Variants in CACNA1E observed in about 807,000 individuals in gnomAD.
CACNA1E encodes calcium voltage-gated channel subunit alpha1 E.
In CACNA1E, 40 loss-of-function variants were observed where a neutral mutation model predicts 259.2. The observed-to-expected ratio is 0.15, with a 90% CI of 0.12 to 0.20. The LOEUF is 0.20. CACNA1E is among the 10% of genes least tolerant of loss of function. CACNA1E has a pLI of 1.00. For synonymous variants in CACNA1E, 1,104 were observed against 1,138.5 expected, an observed-to-expected ratio of 0.97 and a Z score of 0.61; for missense variants, 1,874 against 3,040.1, an observed-to-expected ratio of 0.62 and a Z score of 9.02.
intron 6 of CACNA1E, among the ~76,000 whole-genome samples, chr1:181,582,154 C>T (rs1450645740): frequency 1.3e-5 from 2 of 152,204 alleles, no homozygotes; most frequent in African/African-American, 2.4e-5. Flanking sequence ...TGAAGCTTTG[C>T]AGAAAAGAGT....
chr1:181,503,732 C>T (rs1027363663), intron 1 of CACNA1E, among the ~76,000 whole-genome samples: 11 of 152,222 alleles, frequency 7.2e-5, no homozygotes, highest in Middle Eastern at 3.4e-3. Flanking sequence ...GTTCAGATTC[C>T]GGTATCATTT....
At chr1:181,634,310 G>C (rs1168378351) in intron 6 of CACNA1E, among the ~76,000 whole-genome samples, 1 of 152,174 alleles carries the variant, frequency 6.6e-6, no homozygotes, top group African/African-American at 2.4e-5. Context: ...AAGGGTTCAA[G>C]GCTGCACAAA....
intron 6 of CACNA1E, among the ~76,000 whole-genome samples, chr1:181,609,025 A>T (rs1285492531): frequency 6.6e-6 from 1 of 152,204 alleles, no homozygotes; most frequent in Admixed American, 6.5e-5. Context: ...CTGGGCCCCC[A>T]GTATCCACAA....
At chr1:181,608,004 GC>G (rs1221819589) in intron 6 of CACNA1E, among the ~76,000 whole-genome samples, 3 of 152,212 alleles carry the variant, frequency 2.0e-5, no homozygotes, top group Admixed American at 6.5e-5. Context: ...GCCTGAAGGA[GC>G]AAGGTGAGGA....
intron 6 of CACNA1E, among the ~76,000 whole-genome samples, chr1:181,598,058 G>T (rs1355799289): frequency 6.6e-6 from 1 of 152,208 alleles, no homozygotes; most frequent in Non-Finnish European, 1.5e-5. Flanking sequence ...CAGCTGTTAA[G>T]GTAGAAAGCC....
chr1:181,708,639 T>A (rs889113170), intron 7 of CACNA1E, among the ~76,000 whole-genome samples: 2 of 152,232 alleles, frequency 1.3e-5, no homozygotes, highest in Admixed American at 6.5e-5. Flanking sequence ...GCCATTTGGC[T>A]AGGCAAATAT....
chr1:181,779,036 C>T (rs952426350), intron 38 of CACNA1E, among the ~76,000 whole-genome samples: 2 of 152,222 alleles, frequency 1.3e-5, no homozygotes, highest in Non-Finnish European at 2.9e-5. Flanking sequence ...GAAAAGCAAA[C>T]AGTTCTGCAG....
In CACNA1E at chr1:181,795,053, G is replaced by A. The variant is rs747302415; in HGVS notation, c.6208+9G>A. ...CCTGAACTCTGATTCAGGTGAGGAG[G>A]TCTTCAGTGTCCAGCTCTTTCATCA... is the stretch of plus-strand genomic sequence containing the variant. On this transcript the variant is annotated intron_variant, in intron 46 of 47. Coordinates refer to ENST00000367573, the MANE Select transcript of CACNA1E (RefSeq NM_001205293.3). 3 of 1,611,316 alleles carry A rather than the reference G, an allele frequency of 1.9e-6. No homozygotes were observed. Among genetic ancestry groups the A allele is most frequent in the Non-Finnish European group, 2.5e-6 (3 of 1,178,354 alleles).
At chr1:181,744,959 A>G (rs972401545) in intron 25 of CACNA1E, among the ~76,000 whole-genome samples, 12 of 152,172 alleles carry the variant, frequency 7.9e-5, no homozygotes, top group African/African-American at 2.9e-4. Context: ...GTTTCCTGAC[A>G]CTCCAGTTTA....
intron 2 of CACNA1E, among the ~76,000 whole-genome samples, chr1:181,429,059 G>C (rs181366402): frequency 6.6e-6 from 1 of 152,242 alleles, no homozygotes; most frequent in African/African-American, 2.4e-5. Context: ...GCACACGCCT[G>C]TAATCCCAGC....
chr1:181,596,628 C>T (rs1428929048), intron 6 of CACNA1E, among the ~76,000 whole-genome samples: 4 of 150,072 alleles, frequency 2.7e-5, no homozygotes, highest in Non-Finnish European at 5.9e-5. Flanking sequence ...AGATGCCCTG[C>T]AGGCCCAGGG....
intron 7 of CACNA1E, among the ~76,000 whole-genome samples, chr1:181,655,930 C>G (rs1428725553): frequency 6.6e-6 from 1 of 152,168 alleles, no homozygotes; most frequent in African/African-American, 2.4e-5. Flanking sequence ...AGTGGTCCCA[C>G]AGGATTTAGT....
chr1:181,507,593 G>A (rs1665817426), intron 1 of CACNA1E, among the ~76,000 whole-genome samples: 1 of 152,196 alleles, frequency 6.6e-6, no homozygotes. Context: ...GGTATTGTGA[G>A]TGGGGAGGCC....
intron 2 of CACNA1E, among the ~76,000 whole-genome samples, chr1:181,431,576 T>C (rs1027752317): frequency 3.9e-5 from 6 of 152,192 alleles, no homozygotes; most frequent in African/African-American, 9.7e-5. Flanking sequence ...GGGTGCTTGA[T>C]GTTACTTAAC....
intron 3 of CACNA1E, among the ~76,000 whole-genome samples, chr1:181,543,957 C>T (rs188519479): frequency 8.4e-4 from 128 of 152,282 alleles, no homozygotes; most frequent in Non-Finnish European, 1.2e-3. Context: ...TATGACCCAG[C>T]TATTTCACCT....
intron 1 of CACNA1E, among the ~76,000 whole-genome samples, chr1:181,387,387 C>A (rs983172753): frequency 2.6e-5 from 4 of 152,182 alleles, no homozygotes; most frequent in Non-Finnish European, 5.9e-5. Flanking sequence ...AAAAAAAGGG[C>A]CTATTTCCAT....
At chr1:181,488,197 C>T (rs940260711) in intron 1 of CACNA1E, among the ~76,000 whole-genome samples, 1 of 152,160 alleles carries the variant, frequency 6.6e-6, no homozygotes, top group Admixed American at 6.5e-5. Context: ...TTCTTTTCTT[C>T]TGCTTTTGTT....
At position 181,758,099 on chromosome 1, in the gene CACNA1E, G is replaced by A. The variant is rs1423092491; in HGVS notation, c.4482G>A (p.Val1494=). ...CCATGATCGCCTTGAATACTGTTGTGCTGATGATGAAGGTGAGAGGAGAGA... is the reference window on the plus strand; with the variant it reads ...CCATGATCGCCTTGAATACTGTTGTACTGATGATGAAGGTGAGAGGAGAGA... ...IMAMIALNTV[V]LMMKYYSAPC... The change falls in exon 31 of 48, where the codon GTG becomes GTA. Residue 1494 remains valine, a synonymous_variant. Transcript: ENST00000367573. The surrounding 1 kb of genome is among the most constrained non-coding windows in gnomAD (Gnocchi z 4.2). 6.2e-7 allele frequency: 1 copy of A among 1,613,720 alleles called. No homozygotes were observed. The highest frequency in any genetic ancestry group is 1.7e-5 in the Admixed American group (1 of 60,010).
At position 181,630,384 on chromosome 1, in the gene CACNA1E, G is replaced by GCC. The variant is rs371364830; in HGVS notation, c.952-20948_952-20947dup. Among the ~76,000 whole-genome samples the GCC allele has an allele frequency of 2.6e-3, 377 of 144,788 alleles. 2 individuals are homozygous for GCC. Among genetic ancestry groups the GCC allele is most frequent in the African/African-American group, 3.9e-3 (150 of 38,428 alleles). 95.0% of individuals were successfully genotyped at this position (144,788 alleles called of 152,430 possible). ...TGGGACAAAGCAGTGTAATTAACAT[G>GCC]CCCCCCCACCCCGCCTTAAAACCTA... On this transcript the variant is annotated intron_variant, in intron 6 of 47. Transcript: ENST00000367573.
Sources: gnomAD v4.1 joint callset for allele counts (sites outside exome capture counted in the v4.1 genomes callset) on GRCh38, gnomAD v4.1.1 for gene constraint, Gnocchi (gnomAD v3.1) non-coding constraint, MANE v1.5 for transcripts, NCBI Gene and HGNC (gene_info 2026-07-23, HGNC 2026-07-21) for gene names.